PITPNM2: variants seen among roughly 807,000 people sequenced by gnomAD.
The protein encoded by PITPNM2 is membrane-associated phosphatidylinositol transfer protein 2.
In PITPNM2, 35 loss-of-function variants were observed where a neutral mutation model predicts 132.2. That is an observed-to-expected ratio of 0.26 (90% CI 0.20 to 0.35). The LOEUF (loss-of-function observed/expected upper bound fraction) is 0.35, where lower values mean the gene tolerates loss of function less well. Ranked by LOEUF, PITPNM2 falls within the 10% of genes least tolerant of loss-of-function variation. The pLI, the probability that PITPNM2 is intolerant of heterozygous loss-of-function variation, is 1.00. For missense variants in PITPNM2, 1,332 were observed against 1,912.0 expected, an observed-to-expected ratio of 0.70 and a Z score of 5.66; for synonymous variants, 738 against 799.2, an observed-to-expected ratio of 0.92 and a Z score of 1.29.
chr12:123,089,006 C>T (rs1255734213), intron 2 of PITPNM2: 1 of 152,192 alleles, frequency 6.6e-6, no homozygotes, highest in Non-Finnish European at 1.5e-5. Flanking sequence ...TAAATGTTAG[C>T]TGCTGTTGGG....
intron 3 of PITPNM2, chr12:123,021,549 A>G (rs1211490169): frequency 4.6e-6 from 3 of 650,482 alleles, no homozygotes; most frequent in Non-Finnish European, 5.7e-6. Context: ...TGCTGGGATT[A>G]CAGGAGTAAG....
At chr12:123,053,684 C>T (rs2040933824) in intron 2 of PITPNM2, among the ~76,000 whole-genome samples, 1 of 151,624 alleles carries the variant, frequency 6.6e-6, no homozygotes, top group Non-Finnish European at 1.5e-5. Flanking sequence ...TCTCCTGCCT[C>T]GGCCTCCTGA....
In PITPNM2 at chr12:123,048,437, G is replaced by A. The variant is rs554648346; in HGVS notation, c.-95-13752C>T. On this transcript the variant is annotated intron_variant, in intron 2 of 25. Coordinates refer to ENST00000320201, the MANE Select transcript of PITPNM2 (RefSeq NM_020845.3). ...TTTTTTTTTTTTGAGACGGAGTCTC[G>A]CTCTGTCGCCCAGGCCGGACTGCGG... 9.2e-4 allele frequency among the ~76,000 whole-genome samples: 138 copies of A among 149,868 alleles called. 1 individual carries two copies. The highest frequency in any genetic ancestry group is 1.8e-3 in the Non-Finnish European group (119 of 67,580).
At position 123,099,990 on chromosome 12, in the gene PITPNM2, G is replaced by A. The variant is rs1405244313; in HGVS notation, c.-96+10395C>T. Among the ~76,000 whole-genome samples the A allele has an allele frequency of 6.6e-6, 1 of 152,184 alleles. No individual in the cohort carries two copies. The highest frequency in any genetic ancestry group is 2.4e-5 in the African/African-American group (1 of 41,440). On this transcript the variant is annotated intron_variant, in intron 2 of 25. Transcript: ENST00000320201. This position sits in a 1 kb window ranked among gnomAD's most constrained non-coding sequence, Gnocchi z 4.2. ...TGCCCGGGGGAAGTAAGAATTGCAGGTGACACGCGCACAGCCTACTCCGCA... is the reference window on the plus strand; with the variant it reads ...TGCCCGGGGGAAGTAAGAATTGCAGATGACACGCGCACAGCCTACTCCGCA...
chr12:123,045,377 G>T (rs2040619842), intron 2 of PITPNM2, among the ~76,000 whole-genome samples: 1 of 152,122 alleles, frequency 6.6e-6, no homozygotes, highest in African/African-American at 2.4e-5. Flanking sequence ...ACTCCACTGA[G>T]ACCATATTGG....
intron 1 of PITPNM2, among the ~76,000 whole-genome samples, chr12:123,139,420 G>C (rs1446690004): frequency 6.6e-6 from 1 of 151,364 alleles, no homozygotes; most frequent in Non-Finnish European, 1.5e-5. Flanking sequence ...AGAATGGCAT[G>C]AACCCGGGAG....
At chr12:123,149,054 G>T (rs1026291482) in intron 1 of PITPNM2, among the ~76,000 whole-genome samples, 2 of 152,158 alleles carry the variant, frequency 1.3e-5, no homozygotes, top group Non-Finnish European at 2.9e-5. Context: ...ATCCCAGGGG[G>T]CCTTAGATAC....
At chr12:123,019,485 G>A (rs975651472) in intron 3 of PITPNM2, among the ~76,000 whole-genome samples, 6 of 152,188 alleles carry the variant, frequency 3.9e-5, no homozygotes, top group Non-Finnish European at 5.9e-5. Context: ...ACACCAGGCC[G>A]ATGAGGGCCC....
chr12:123,119,048 C>A (rs959469332), intron 1 of PITPNM2, among the ~76,000 whole-genome samples: 4 of 152,190 alleles, frequency 2.6e-5, no homozygotes, highest in African/African-American at 9.6e-5. Flanking sequence ...CCAGCTCCCA[C>A]TCCCAGATGT....
intron 2 of PITPNM2, among the ~76,000 whole-genome samples, chr12:123,109,382 G>T (rs2042787589): frequency 6.6e-6 from 1 of 152,210 alleles, no homozygotes; most frequent in South Asian, 2.1e-4. Flanking sequence ...GAGGCCAGGG[G>T]CTCCTGCTGC....
At chr12:123,020,264 T>C (rs925394153) in intron 3 of PITPNM2, among the ~76,000 whole-genome samples, 2 of 151,684 alleles carry the variant, frequency 1.3e-5, no homozygotes, top group African/African-American at 4.8e-5. Flanking sequence ...GGGATTATAG[T>C]CACGCGCCAC....
intron 1 of PITPNM2, among the ~76,000 whole-genome samples, chr12:123,130,178 C>T (rs962667763): frequency 6.6e-6 from 1 of 152,168 alleles, no homozygotes; most frequent in Non-Finnish European, 1.5e-5. Context: ...CAGGGAACCA[C>T]ATATGAATCA....
chr12:123,130,284 CGG>C (rs1261479898), intron 1 of PITPNM2, among the ~76,000 whole-genome samples: 1 of 152,072 alleles, frequency 6.6e-6, no homozygotes, highest in African/African-American at 2.4e-5. Flanking sequence ...TTGTGTGGGA[CGG>C]AAGGGCACAC....
At position 123,013,842 on chromosome 12, in the gene PITPNM2, G is replaced by A. The variant is rs2039311153; in HGVS notation, c.279C>T (p.Pro93=). ...RVVEESWNAY[P]YTRTRFTCPF... is the part of the protein sequence containing the mutation. Reference sequence around the variant, plus strand: ...AGCAGGCGCACCTGGTTCGGGTGTAGGGGTAGGCATTCCAAGACTCCTCCA... The same window carrying A: ...AGCAGGCGCACCTGGTTCGGGTGTAAGGGTAGGCATTCCAAGACTCCTCCA... Residue 93 remains proline, a synonymous_variant, in exon 4 of 26, where the codon CCC becomes CCT. Coordinates refer to ENST00000320201, the MANE Select transcript of PITPNM2 (RefSeq NM_020845.3). The A allele has an allele frequency of 6.2e-7, 1 of 1,614,002 alleles. No homozygotes were observed. The highest frequency in any genetic ancestry group is 8.5e-7 in the Non-Finnish European group (1 of 1,180,032).
chr12:123,093,306 C>T (rs543102848), intron 2 of PITPNM2, among the ~76,000 whole-genome samples: 7 of 152,200 alleles, frequency 4.6e-5, no homozygotes, highest in East Asian at 1.9e-4. Context: ...TTTATTTTTA[C>T]ACATTGTAAG....
rs913869219 is a variant in PITPNM2, at chr12:122,983,905, G to T, written c.*2122C>A. The T allele has an allele frequency of 6.5e-6, 1 of 152,796 alleles. No homozygotes were observed. Among genetic ancestry groups the T allele is most frequent in the African/African-American group, 2.4e-5 (1 of 41,586 alleles). 9.5% of individuals were successfully genotyped at this position (152,796 alleles called of 1,614,324 possible). On this transcript the variant is annotated 3_prime_UTR_variant, in exon 26 of 26. Transcript: ENST00000320201. ...GCACCCAACTCTGTAAACATTTTTGGTATTTTTAAAGGACGCTGCCCTCCC... is the reference window on the plus strand; with the variant it reads ...GCACCCAACTCTGTAAACATTTTTGTTATTTTTAAAGGACGCTGCCCTCCC...
At chr12:123,089,927 T>C (rs927876735) in intron 2 of PITPNM2, 2 of 152,228 alleles carry the variant, frequency 1.3e-5, no homozygotes, top group Non-Finnish European at 2.9e-5. Flanking sequence ...ACAGTGAGCT[T>C]TGCCCATGAA....
At chr12:123,034,429 C>T in intron 3 of PITPNM2, 84 bp downstream of exon 3, 2 of 1,330,704 alleles carry the variant, frequency 1.5e-6, no homozygotes, top group Non-Finnish European at 1.1e-6. Context: ...GTGAAGGCCA[C>T]AACTCCACCT....
intron 20 of PITPNM2, 150 bp from the exon 21 acceptor site, chr12:122,988,051 T>C (rs1371594421): frequency 1.1e-6 from 1 of 937,314 alleles, no homozygotes; most frequent in Non-Finnish European, 1.7e-6. Flanking sequence ...ATGACGTGGC[T>C]TTGGAGAAAC....
Sources: gnomAD v4.1 joint callset for allele counts (sites outside exome capture counted in the v4.1 genomes callset) on GRCh38, gnomAD v4.1.1 for gene constraint, Gnocchi (gnomAD v3.1) non-coding constraint, MANE v1.5 for transcripts, NCBI Gene and HGNC (gene_info 2026-07-23, HGNC 2026-07-21) for gene names.